C1orf21: variants seen among roughly 807,000 people sequenced by gnomAD.
The protein encoded by C1orf21 is uncharacterized protein C1orf21.
Under a neutral mutation model 18.7 loss-of-function variants are expected in C1orf21, and 3 were observed. The ratio of observed to expected loss-of-function variants is 0.16; its 90% CI spans 0.07 to 0.42. The LOEUF (loss-of-function observed/expected upper bound fraction) is 0.42. Ranked by LOEUF, C1orf21 falls within the 10% of genes least tolerant of loss-of-function variation. The pLI is 0.99. For missense variants in C1orf21, 104 were observed against 143.6 expected (o/e 0.72, Z 1.41); for synonymous variants, 41 against 46.4 (o/e 0.88, Z 0.47).
chr1:184,627,880 C>A lies in C1orf21; in HGVS notation c.*8324C>A. On this transcript the variant is annotated 3_prime_UTR_variant, in exon 6 of 6. Coordinates refer to ENST00000235307, the MANE Select transcript of C1orf21 (RefSeq NM_030806.4). ...GAATATAAGCCAAGTTTACCTCTCC[C>A]CATTTTCTGCCCTGGCCCACTTCCC... is the stretch of plus-strand genomic sequence containing the variant. 6.6e-6 allele frequency: 1 copy of A among 152,388 alleles called. No homozygotes were observed. The allele number at this position is 152,388 out of a possible 1,614,324, so 9.4% of individuals were successfully genotyped here. A position where few individuals can be genotyped will look rare whatever the true frequency, so the allele number is the denominator to read the frequency against.
At chr1:184,595,660 C>T (rs1162886515) in intron 4 of C1orf21, among the ~76,000 whole-genome samples, 1 of 152,154 alleles carries the variant, frequency 6.6e-6, no homozygotes, top group Non-Finnish European at 1.5e-5. Context: ...TCGGATGACA[C>T]CATATCTGAG....
intron 2 of C1orf21, among the ~76,000 whole-genome samples, chr1:184,506,333 T>C (rs1038293214): frequency 1.3e-5 from 2 of 152,216 alleles, no homozygotes; most frequent in African/African-American, 4.8e-5. Context: ...GAAATATTAC[T>C]GTAACGAACA....
intron 3 of C1orf21, among the ~76,000 whole-genome samples, chr1:184,571,296 C>CAAAA (rs66868646): frequency 9.2e-4 from 79 of 85,514 alleles, no homozygotes; most frequent in Non-Finnish European, 1.1e-3. Flanking sequence ...GACTCCGTCT[C>CAAAA]AAAAAAAAAA....
At chr1:184,589,888 C>T (rs977596490) in intron 3 of C1orf21, among the ~76,000 whole-genome samples, 2 of 152,150 alleles carry the variant, frequency 1.3e-5, no homozygotes, top group African/African-American at 2.4e-5. Flanking sequence ...AATGTTGCAT[C>T]GGCCCATGGC....
intron 1 of C1orf21, among the ~76,000 whole-genome samples, chr1:184,468,095 A>G (rs1188316518): frequency 6.6e-6 from 1 of 152,044 alleles, no homozygotes; most frequent in Non-Finnish European, 1.5e-5. Flanking sequence ...TCCCCCCAAA[A>G]AGAGGGTTTT....
intron 3 of C1orf21, among the ~76,000 whole-genome samples, chr1:184,570,844 A>T (rs947963763): frequency 1.3e-5 from 2 of 151,074 alleles, no homozygotes; most frequent in African/African-American, 4.9e-5. Context: ...TGAACCTCAT[A>T]GAGTGAACTT....
Position 184,437,810 on chromosome 1 carries a change from C to T in C1orf21, c.-124-39576C>T, listed in dbSNP as rs1422956101. ...ACCATAATTTAGAATCAGTGGGAGC[C>T]CTGAGCTCATTTTCCTGCAACTAGA... On this transcript the variant is annotated intron_variant, in intron 1 of 5. Transcript: ENST00000235307. 2.0e-5 allele frequency among the ~76,000 whole-genome samples: 3 copies of T among 151,626 alleles called. No homozygotes were observed. In the East Asian group the frequency reaches 5.8e-4, roughly 29 times the overall value.
intron 3 of C1orf21, among the ~76,000 whole-genome samples, chr1:184,546,466 A>T (rs1394448948): frequency 2.0e-5 from 3 of 152,182 alleles, no homozygotes; most frequent in Admixed American, 6.5e-5. Context: ...TTTAGCATCT[A>T]TTCTGTGCCA....
intron 1 of C1orf21, among the ~76,000 whole-genome samples, chr1:184,419,462 T>A (rs1557967546): frequency 6.6e-6 from 1 of 152,176 alleles, no homozygotes; most frequent in Non-Finnish European, 1.5e-5. Flanking sequence ...TCTTATTCAT[T>A]CACTCTACAA....
At position 184,569,383 on chromosome 1, in the gene C1orf21, G is replaced by A. The variant is rs139438663; in HGVS notation, c.190-21356G>A. Among the ~76,000 whole-genome samples the A allele has an allele frequency of 2.3e-3, 343 of 152,278 alleles. 2 individuals carry two copies. The highest frequency in any genetic ancestry group is 6.2e-3 in the East Asian group (32 of 5,188). Reference sequence around the variant, plus strand: ...TGAAAGTGTGCACATTTTCCAGAGCGTGGTTGAAAGTCCTTTTGTATACAG... The same window carrying A: ...TGAAAGTGTGCACATTTTCCAGAGCATGGTTGAAAGTCCTTTTGTATACAG... On this transcript the variant is annotated intron_variant, in intron 3 of 5. Coordinates refer to ENST00000235307, the MANE Select transcript of C1orf21 (RefSeq NM_030806.4).
intron 2 of C1orf21, among the ~76,000 whole-genome samples, chr1:184,479,682 C>T (rs539188146): frequency 1.6e-5 from 2 of 127,552 alleles, no homozygotes; most frequent in East Asian, 2.6e-4. Flanking sequence ...TGCAGTGGTG[C>T]GATCAGGGTT....
intron 3 of C1orf21, among the ~76,000 whole-genome samples, chr1:184,540,440 G>GTT (rs375846605): frequency 1.4e-5 from 2 of 145,300 alleles, no homozygotes; most frequent in Non-Finnish European, 3.0e-5. Flanking sequence ...TGTTTGTTTT[G>GTT]TTTTTTTTTT....
chr1:184,403,907 C>A (rs1250225718), intron 1 of C1orf21, among the ~76,000 whole-genome samples: 1 of 152,150 alleles, frequency 6.6e-6, no homozygotes, highest in Admixed American at 6.5e-5. Context: ...GTCATGGGTA[C>A]TTTAACACTA....
chr1:184,511,477 C>CTGGTGAAG (rs1229545454), intron 3 of C1orf21, among the ~76,000 whole-genome samples: 1 of 152,148 alleles, frequency 6.6e-6, no homozygotes, highest in Non-Finnish European at 1.5e-5. Flanking sequence ...TGGAAAAACT[C>CTGGTGAAG]TGGTGAAGAG....
intron 1 of C1orf21, among the ~76,000 whole-genome samples, chr1:184,439,992 A>G (rs1412979189): frequency 6.6e-6 from 1 of 152,198 alleles, no homozygotes; most frequent in Non-Finnish European, 1.5e-5. Context: ...AAGACACTGA[A>G]CCCTGAGATA....
intron 5 of C1orf21, among the ~76,000 whole-genome samples, chr1:184,616,694 G>A (rs1479411090): frequency 1.4e-5 from 2 of 144,176 alleles, no homozygotes; most frequent in South Asian, 4.4e-4. Flanking sequence ...GTGTGCTTGT[G>A]TGTGCACACG....
At chr1:184,571,655 T>C (rs929410330) in intron 3 of C1orf21, among the ~76,000 whole-genome samples, 5 of 152,116 alleles carry the variant, frequency 3.3e-5, no homozygotes, top group African/African-American at 9.6e-5. Flanking sequence ...TCTATGGCCA[T>C]TGGGGGATTT....
intron 3 of C1orf21, among the ~76,000 whole-genome samples, chr1:184,515,671 G>A (rs531207707): frequency 2.6e-5 from 4 of 152,128 alleles, no homozygotes; most frequent in Middle Eastern, 3.4e-3. Context: ...AAATATTAAG[G>A]ACATTAAGGA....
chr1:184,503,686 C>T (rs1251828016), intron 2 of C1orf21, among the ~76,000 whole-genome samples: 4 of 152,130 alleles, frequency 2.6e-5, no homozygotes, highest in Non-Finnish European at 5.9e-5. Flanking sequence ...AACTTGTGTT[C>T]AACCCAATAA....
Sources: gnomAD v4.1 joint callset for allele counts (sites outside exome capture counted in the v4.1 genomes callset) on GRCh38, gnomAD v4.1.1 for gene constraint, MANE v1.5 for transcripts, NCBI Gene and HGNC (gene_info 2026-07-23, HGNC 2026-07-21) for gene names.